EYS: variants seen among roughly 807,000 people sequenced by gnomAD.
EYS encodes the protein EGF-like photoreceptor maintenance factor.
A neutral mutation model predicts 282.1 loss-of-function variants in EYS; 250 were observed. That is an observed-to-expected ratio of 0.89 (90% CI 0.80 to 0.98). The LOEUF (loss-of-function observed/expected upper bound fraction) is 0.98, where lower values mean the gene tolerates loss of function less well. Ranked by LOEUF, EYS falls within the 50% of genes least tolerant of loss-of-function variation. The pLI is 0.00. For synonymous variants in EYS, 1,355 were observed against 1,282.9 expected, an observed-to-expected ratio of 1.06 and a Z score of -1.20; for missense variants, 4,016 against 3,709.0, an observed-to-expected ratio of 1.08 and a Z score of -2.15.
At chr6:64,016,951 A>T (rs887359597) in intron 33 of EYS, among the ~76,000 whole-genome samples, 1 of 152,030 alleles carries the variant, frequency 6.6e-6, no homozygotes, top group South Asian at 2.1e-4. Context: ...TTCTCTTAAG[A>T]TGGAGGACTC....
At chr6:65,081,498 T>C (rs1438247409) in intron 12 of EYS, among the ~76,000 whole-genome samples, 1 of 152,078 alleles carries the variant, frequency 6.6e-6, no homozygotes, top group East Asian at 1.9e-4. Context: ...CATTTGGAAC[T>C]GAAACTTCTC....
rs545045220 is a variant in EYS, at chr6:63,956,655, A to G, written c.7055+27728T>C. Among the ~76,000 whole-genome samples, 10 of 152,328 alleles carry G rather than the reference A, an allele frequency of 6.6e-5. No homozygotes were observed. The South Asian group carries it at 2.1e-3, about 32-fold the overall frequency. ...CACAAGTGCAATGTGATGTTTTGATATACATACATACATTATGAAATTATT... is the reference window on the plus strand; with the variant it reads ...CACAAGTGCAATGTGATGTTTTGATGTACATACATACATTATGAAATTATT... On this transcript the variant is annotated intron_variant, in intron 35 of 42. Coordinates refer to ENST00000503581, the MANE Select transcript of EYS (RefSeq NM_001142800.2).
intron 2 of EYS, among the ~76,000 whole-genome samples, chr6:65,595,121 T>C (rs1313020540): frequency 1.3e-5 from 2 of 152,066 alleles, no homozygotes; most frequent in African/African-American, 2.4e-5. Context: ...ATATACACCA[T>C]GGAATACTAT....
intron 14 of EYS, among the ~76,000 whole-genome samples, chr6:64,974,096 A>G (rs541137552): frequency 3.3e-5 from 5 of 151,942 alleles, no homozygotes; most frequent in Non-Finnish European, 7.4e-5. Context: ...TTATAAGCAC[A>G]TTATCAAAGT....
intron 28 of EYS, among the ~76,000 whole-genome samples, chr6:64,401,761 A>G (rs1334061983): frequency 6.6e-6 from 1 of 152,092 alleles, no homozygotes; most frequent in East Asian, 1.9e-4. Flanking sequence ...TTCAATTCTC[A>G]TATTTATTCA....
At chr6:64,776,252 A>C (rs944728136) in intron 22 of EYS, among the ~76,000 whole-genome samples, 7 of 152,084 alleles carry the variant, frequency 4.6e-5, no homozygotes, top group Admixed American at 6.6e-5. Flanking sequence ...TTTTCTGGCC[A>C]GATATGCTTT....
At chr6:63,988,628 C>G (rs1248587768) in intron 34 of EYS, among the ~76,000 whole-genome samples, 2 of 151,556 alleles carry the variant, frequency 1.3e-5, no homozygotes, top group African/African-American at 4.8e-5. Flanking sequence ...GGAGACAGGT[C>G]TTTAACATAA....
intron 2 of EYS, among the ~76,000 whole-genome samples, chr6:65,516,046 T>C (rs1019246118): frequency 6.6e-5 from 10 of 150,832 alleles, no homozygotes; most frequent in African/African-American, 2.4e-4. Context: ...AAAATATTTA[T>C]AGAATAGCTA....
At chr6:64,683,899 G>A (rs1447340008) in intron 22 of EYS, among the ~76,000 whole-genome samples, 1 of 152,148 alleles carries the variant, frequency 6.6e-6, no homozygotes, top group African/African-American at 2.4e-5. Flanking sequence ...CTCCTTATCA[G>A]CAGCCAACCT....
intron 2 of EYS, among the ~76,000 whole-genome samples, chr6:65,565,797 AG>A (rs1196904752): frequency 1.3e-5 from 2 of 152,070 alleles, no homozygotes; most frequent in Non-Finnish European, 2.9e-5. Flanking sequence ...TGTCCTTTGT[AG>A]GGACATGGAT....
At chr6:64,909,940 G>A (rs968468757) in intron 16 of EYS, among the ~76,000 whole-genome samples, 1 of 151,952 alleles carries the variant, frequency 6.6e-6, no homozygotes, top group Non-Finnish European at 1.5e-5. Context: ...ACATACAGTC[G>A]CATTGTTACT....
At chr6:65,359,786 G>A (rs926404931) in intron 8 of EYS, among the ~76,000 whole-genome samples, 36 of 151,934 alleles carry the variant, frequency 2.4e-4, no homozygotes, top group Admixed American at 2.3e-3. Flanking sequence ...TACCACATAT[G>A]TGAATTCATT....
intron 19 of EYS, among the ~76,000 whole-genome samples, chr6:64,859,810 A>C (rs1183234757): frequency 6.6e-6 from 1 of 152,192 alleles, no homozygotes; most frequent in Non-Finnish European, 1.5e-5. Flanking sequence ...ACTAATACAA[A>C]TGTTATTGAT....
chr6:65,592,488 G>A (rs997638107), intron 2 of EYS, among the ~76,000 whole-genome samples: 6 of 151,924 alleles, frequency 3.9e-5, no homozygotes, highest in Non-Finnish European at 8.8e-5. Context: ...AATACAGGAT[G>A]AAGATAACAA....
At chr6:65,538,558 AT>A (rs1336531439) in intron 2 of EYS, among the ~76,000 whole-genome samples, 4 of 152,270 alleles carry the variant, frequency 2.6e-5, no homozygotes, top group Admixed American at 2.6e-4. Context: ...TAAAACATAT[AT>A]TGAGTATCTC....
chr6:63,995,220 C>A (rs1223308459), intron 34 of EYS, among the ~76,000 whole-genome samples: 3 of 151,852 alleles, frequency 2.0e-5, no homozygotes, highest in African/African-American at 7.2e-5. Flanking sequence ...CCCAGTATAA[C>A]CTGATTAAAA....
intron 26 of EYS, among the ~76,000 whole-genome samples, chr6:64,547,441 C>A (rs1336493870): frequency 6.6e-6 from 1 of 152,158 alleles, no homozygotes; most frequent in Admixed American, 6.5e-5. Flanking sequence ...TAGGTAGATA[C>A]AGAGTGTTGA....
intron 12 of EYS, among the ~76,000 whole-genome samples, chr6:65,142,681 A>G (rs56104472): frequency 0.24 from 36,082 of 151,598 alleles, 4,502 homozygotes; most frequent in African/African-American, 0.28. Context: ...CTAATAAAGG[A>G]CATTAGTTAT....
intron 26 of EYS, among the ~76,000 whole-genome samples, chr6:64,522,065 T>A (rs150471746): frequency 8.8e-4 from 133 of 151,922 alleles, no homozygotes; most frequent in African/African-American, 3.0e-3. Flanking sequence ...GAATGTTGTA[T>A]CTAAAGGAAG....
Sources: allele counts gnomAD v4.1 joint callset (sites outside exome capture counted in the v4.1 genomes callset), GRCh38; gene constraint gnomAD v4.1.1; transcripts MANE v1.5; gene names NCBI Gene and HGNC (gene_info 2026-07-23, HGNC 2026-07-21).